The following TRPS1 variants were observed in gnomAD, a reference collection of about 807,000 sequenced individuals.
TRPS1 encodes the protein zinc finger transcription factor Trps1.
TRPS1 carries 6 observed loss-of-function variants against 101.2 expected under a neutral mutation model. That is an observed-to-expected ratio of 0.06 (90% CI 0.03 to 0.12). TRPS1 has a LOEUF of 0.12. TRPS1 is among the 10% of genes least tolerant of loss of function. The probability of loss-of-function intolerance (pLI) is 1.00; values close to 1 mark genes in which losing one functional copy is unlikely to be tolerated. For synonymous variants in TRPS1, 578 were observed against 589.8 expected (o/e 0.98, Z 0.29); for missense variants, 1,363 against 1,567.0 (o/e 0.87, Z 2.20).
At chr8:115,522,744 CTG>C (rs1815896787) in intron 5 of TRPS1, among the ~76,000 whole-genome samples, 4 of 152,020 alleles carry the variant, frequency 2.6e-5, no homozygotes, top group South Asian at 4.1e-4. Flanking sequence ...TTTTTAATAA[CTG>C]TTAAAATAAT....
rs567762135 is a variant in TRPS1 at position 115,411,261 on chromosome 8, G to A, written c.*2762C>T. On this transcript the variant is annotated 3_prime_UTR_variant, in exon 7 of 7. Transcript: ENST00000395715. The stretch of plus-strand genomic sequence containing the variant: ...TGATATGTATTTTCCAATGCTAGTC[G>A]TTACTACTATGTCTGTCTGAGAAAA... 85 of 151,564 alleles carry A rather than the reference G, an allele frequency of 5.6e-4. No homozygotes were observed. Among genetic ancestry groups the A allele is most frequent in the African/African-American group, 1.7e-3 (72 of 41,154 alleles). The allele number at this position is 151,564 out of a possible 1,614,324, so 9.4% of individuals were successfully genotyped here.
intron 5 of TRPS1, among the ~76,000 whole-genome samples, chr8:115,510,302 G>T (rs925514850): frequency 6.6e-6 from 1 of 151,864 alleles, no homozygotes; most frequent in African/African-American, 2.4e-5. Context: ...GCTGGTTATG[G>T]ACTTATCCTT....
intron 5 of TRPS1, among the ~76,000 whole-genome samples, chr8:115,524,110 A>G (rs1230241396): frequency 6.6e-6 from 1 of 152,078 alleles, no homozygotes; most frequent in Non-Finnish European, 1.5e-5. Context: ...AGTGTTATTA[A>G]AATAATAAGA....
At chr8:115,661,173 T>G (rs1456940553) in intron 1 of TRPS1, among the ~76,000 whole-genome samples, 1 of 152,042 alleles carries the variant, frequency 6.6e-6, no homozygotes, top group Non-Finnish European at 1.5e-5. Context: ...ATAATTTTTT[T>G]CATTTAAAAA....
At chr8:115,439,742 T>C (rs1266100875) in intron 5 of TRPS1, among the ~76,000 whole-genome samples, 4 of 152,180 alleles carry the variant, frequency 2.6e-5, no homozygotes, top group African/African-American at 7.2e-5. Flanking sequence ...TGTTATGACA[T>C]GCAAGAACAT....
chr8:115,479,037 T>C (rs371588255), intron 5 of TRPS1, among the ~76,000 whole-genome samples: 4 of 151,408 alleles, frequency 2.6e-5, no homozygotes, highest in Non-Finnish European at 4.4e-5. Context: ...TTTGAACATA[T>C]ACTATGCACA....
At chr8:115,455,536 C>T (rs1011480930) in intron 5 of TRPS1, among the ~76,000 whole-genome samples, 11 of 152,200 alleles carry the variant, frequency 7.2e-5, no homozygotes, top group African/African-American at 1.7e-4. Flanking sequence ...ACTGGACTCA[C>T]GCAGTTAAGA....
chr8:115,474,010 T>A (rs1814537507), intron 5 of TRPS1, among the ~76,000 whole-genome samples: 1 of 152,202 alleles, frequency 6.6e-6, no homozygotes, highest in African/African-American at 2.4e-5. Context: ...TATGGGAATT[T>A]CAAAATCATT....
chr8:115,569,043 T>G (rs1161097069), intron 5 of TRPS1, among the ~76,000 whole-genome samples: 1 of 152,134 alleles, frequency 6.6e-6, no homozygotes, highest in Non-Finnish European at 1.5e-5. Flanking sequence ...TTTCATTTCC[T>G]GCAAATGACT....
intron 4 of TRPS1, among the ~76,000 whole-genome samples, chr8:115,594,508 A>G (rs1326367966): frequency 6.6e-6 from 1 of 152,084 alleles, no homozygotes; most frequent in Non-Finnish European, 1.5e-5. Context: ...AGTCAAAGAA[A>G]TTTTGATTAA....
intron 5 of TRPS1, among the ~76,000 whole-genome samples, chr8:115,519,501 G>A (rs1030866101): frequency 8.6e-5 from 13 of 151,244 alleles, no homozygotes; most frequent in Non-Finnish European, 1.5e-4. Flanking sequence ...AGTCCATTTC[G>A]ATAGATGATC....
In TRPS1 at chr8:115,619,924, A is replaced by G. The variant is rs559631394; in HGVS notation, c.174T>C (p.Asn58=). 6 of 1,614,106 alleles carry G rather than the reference A, an allele frequency of 3.7e-6. No individual in the cohort carries two copies. The East Asian group carries it at 1.1e-4, about 30-fold the overall frequency. ...GTTCTGCAGCATCACTCTGATCCGT[A>G]TTTTCTGACATCTGATCTGCAGAAA... The part of the protein sequence containing the change: ...KEFSADQMSE[N]TDQSDAAELN... The change falls in exon 3 of 7, where the codon AAT becomes AAC. Residue 58 remains asparagine (N), a synonymous_variant. Coordinates refer to ENST00000395715, the MANE Select transcript of TRPS1 (RefSeq NM_014112.5).
intron 5 of TRPS1, among the ~76,000 whole-genome samples, chr8:115,461,302 C>CATACAT (rs1327519502): frequency 6.9e-5 from 8 of 115,700 alleles, no homozygotes; most frequent in African/African-American, 2.4e-4. Context: ...GATAGATAGA[C>CATACAT]AGATACATAC....
At chr8:115,552,298 T>G (rs560996513) in intron 5 of TRPS1, among the ~76,000 whole-genome samples, 1 of 152,248 alleles carries the variant, frequency 6.6e-6, no homozygotes, top group East Asian at 1.9e-4. Flanking sequence ...CTGTCTGAGG[T>G]CTACATGATG....
intron 3 of TRPS1, 69 bp from the exon 4 acceptor site, chr8:115,605,071 GGGGA>G: frequency 6.8e-7 from 1 of 1,466,560 alleles, no homozygotes; most frequent in Non-Finnish European, 9.5e-7. Flanking sequence ...TGCAGGGGAG[GGGGA>G]GGGTACTGCC....
intron 5 of TRPS1, among the ~76,000 whole-genome samples, chr8:115,442,117 CTG>C (rs1024187699): frequency 6.6e-6 from 1 of 152,074 alleles, no homozygotes; most frequent in African/African-American, 2.4e-5. Context: ...CTGGGTAAAA[CTG>C]AGTAAAAATT....
chr8:115,444,053 T>C (rs1012138487), intron 5 of TRPS1, among the ~76,000 whole-genome samples: 1 of 152,220 alleles, frequency 6.6e-6, no homozygotes, highest in Non-Finnish European at 1.5e-5. Context: ...TCTCACTCCT[T>C]CGCCATGTAG....
Position 115,668,616 on chromosome 8 carries a change from G to GTCT in TRPS1, c.-196_-194dup, listed in dbSNP as rs1811992147. On this transcript the variant is annotated 5_prime_UTR_variant, in exon 1 of 7. Transcript: ENST00000395715. ...GGCGCGGCGGCCAAAGCCATGAACC[G>GTCT]TCTTCTGTTGTTTGCAGAGTTGATC... 2 of 151,130 alleles carry GTCT rather than the reference G, an allele frequency of 1.3e-5. No individual in the cohort carries two copies. Among genetic ancestry groups the GTCT allele is most frequent in the African/African-American group, 4.9e-5 (2 of 41,106 alleles). The allele number at this position is 151,130 out of a possible 1,614,324, so 9.4% of individuals were successfully genotyped here.
intron 5 of TRPS1, among the ~76,000 whole-genome samples, chr8:115,461,258 T>C (rs991313496): frequency 1.2e-5 from 1 of 82,838 alleles, no homozygotes; most frequent in African/African-American, 3.2e-5. Context: ...CAAGGATAGA[T>C]AGATAGATAG....
Sources: gnomAD v4.1 joint callset for allele counts (sites outside exome capture counted in the v4.1 genomes callset) on GRCh38, gnomAD v4.1.1 for gene constraint, MANE v1.5 for transcripts, NCBI Gene and HGNC (gene_info 2026-07-23, HGNC 2026-07-21) for gene names.